TENM3: variants seen among roughly 807,000 people sequenced by gnomAD.
TENM3 encodes the protein teneurin-3.
In TENM3, 63 loss-of-function variants were observed where a neutral mutation model predicts 255.1. That is an observed-to-expected ratio of 0.25 (90% confidence interval 0.20 to 0.30). TENM3 has a LOEUF of 0.30. Ranked by LOEUF, TENM3 falls within the 10% of genes least tolerant of loss-of-function variation. The pLI, the probability that TENM3 is intolerant of heterozygous loss-of-function variation, is 1.00. For synonymous variants in TENM3, 1,306 were observed against 1,322.3 expected (o/e 0.99, Z 0.27); for missense variants, 2,929 against 3,461.1 (o/e 0.85, Z 3.86).
chr4:182,706,173 G>A (rs1285077372), intron 12 of TENM3, among the ~76,000 whole-genome samples: 3 of 152,124 alleles, frequency 2.0e-5, no homozygotes, highest in African/African-American at 7.2e-5. Context: ...TGGTTCTTCT[G>A]AGTTGTAACT....
the TENM3 span, among the ~76,000 whole-genome samples, chr4:181,845,996 C>A: frequency 6.6e-6 from 1 of 152,128 alleles, no homozygotes; most frequent in African/African-American, 2.4e-5. Flanking sequence ...CGCTAAGGTT[C>A]TTTGTAATAT....
intron 3 of TENM3, among the ~76,000 whole-genome samples, chr4:182,451,691 C>T (rs1426216103): frequency 3.9e-5 from 6 of 152,108 alleles, no homozygotes; most frequent in Admixed American, 3.9e-4. Context: ...GAAAATGACC[C>T]AAATTAAAGA....
chr4:182,211,010 A>G (rs1305316580), intron 1 of TENM3, among the ~76,000 whole-genome samples: 2 of 152,174 alleles, frequency 1.3e-5, no homozygotes, highest in Non-Finnish European at 2.9e-5. Flanking sequence ...TGGACTGGAC[A>G]AACCGAGGCC....
chr4:181,593,233 A>AT, the TENM3 span, among the ~76,000 whole-genome samples: 1 of 152,182 alleles, frequency 6.6e-6, no homozygotes, highest in Non-Finnish European at 1.5e-5. Context: ...GTTTGGAGGC[A>AT]TTTCTATTTT....
intron 3 of TENM3, among the ~76,000 whole-genome samples, chr4:182,452,170 G>A (rs1773515546): frequency 6.6e-6 from 1 of 152,216 alleles, no homozygotes; most frequent in African/African-American, 2.4e-5. Context: ...AGATGTGAGT[G>A]CTTTAGCACC....
At chr4:181,486,146 A>G in the TENM3 span, among the ~76,000 whole-genome samples, 3 of 152,128 alleles carry the variant, frequency 2.0e-5, no homozygotes, top group Non-Finnish European at 2.9e-5. Flanking sequence ...CAATACACCA[A>G]ATTCAGACCT....
chr4:182,706,705 G>A (rs1271556370), intron 12 of TENM3, among the ~76,000 whole-genome samples: 5 of 152,240 alleles, frequency 3.3e-5, no homozygotes, highest in East Asian at 3.9e-4. Flanking sequence ...ACTCATGCCC[G>A]TAATCCTAGC....
chr4:181,913,479 G>T, the TENM3 span, among the ~76,000 whole-genome samples: 1 of 152,176 alleles, frequency 6.6e-6, no homozygotes, highest in Non-Finnish European at 1.5e-5. Context: ...TAACCCAGTA[G>T]TCCCTACTGC....
chr4:181,942,061 G>T, the TENM3 span, among the ~76,000 whole-genome samples: 3 of 152,080 alleles, frequency 2.0e-5, no homozygotes, highest in African/African-American at 7.2e-5. Flanking sequence ...GCTTTCGGCC[G>T]TGATCTTGGT....
the TENM3 span, among the ~76,000 whole-genome samples, chr4:181,937,129 G>A: frequency 5.9e-5 from 9 of 152,166 alleles, no homozygotes; most frequent in South Asian, 2.1e-4. Flanking sequence ...CATTCTAAGC[G>A]AAAGCACCAG....
At chr4:182,254,755 G>A (rs112205931) in intron 1 of TENM3, among the ~76,000 whole-genome samples, 1 of 152,078 alleles carries the variant, frequency 6.6e-6, no homozygotes, top group African/African-American at 2.4e-5. Context: ...CATATTGTGT[G>A]ATATGTCCTC....
At chr4:182,555,685 A>G (rs999095599) in intron 3 of TENM3, among the ~76,000 whole-genome samples, 1 of 152,232 alleles carries the variant, frequency 6.6e-6, no homozygotes, top group African/African-American at 2.4e-5. Context: ...ATATTAACTT[A>G]AATGCATTTA....
the TENM3 span, among the ~76,000 whole-genome samples, chr4:181,953,276 C>CCACCAT: frequency 3.7e-4 from 52 of 141,572 alleles, no homozygotes; most frequent in Admixed American, 3.1e-3. Context: ...ACCACCACCA[C>CCACCAT]CATCATCATC....
chr4:182,601,128 G>A lies in TENM3; in HGVS notation c.716G>A (p.Trp239Ter). The A allele has an allele frequency of 6.2e-7, 1 of 1,613,738 alleles. No homozygotes were observed. Among genetic ancestry groups the A allele is most frequent in the South Asian group, 1.1e-5 (1 of 91,064 alleles). ...TPESVQLQDS[W>*]VLGSNVPLES... ...GAGTCCGTCCAGCTGCAGGACAGCT[G>A]GGTCCTTGGCAGTAATGTACCACTG... The change falls in exon 4 of 28, where the codon TGG (tryptophan) becomes TAG (stop). Residue 239 changes from tryptophan to a stop codon, truncating the protein, a stop_gained. Coordinates refer to ENST00000511685, the MANE Select transcript of TENM3 (RefSeq NM_001080477.4). LOFTEE classifies it high-confidence loss of function.
chr4:182,688,377 G>C, intron 12 of TENM3, 26 bp downstream of exon 12: 1 of 1,511,260 alleles, frequency 6.6e-7, no homozygotes, highest in South Asian at 1.3e-5. Flanking sequence ...GTCTGTGTCT[G>C]TCCCCTTCCT....
the TENM3 span, among the ~76,000 whole-genome samples, chr4:181,602,034 C>T: frequency 2.0e-5 from 3 of 152,208 alleles, no homozygotes; most frequent in Middle Eastern, 3.4e-3. Context: ...CTGCAAAGGC[C>T]CTTTTTCCAA....
chr4:181,933,780 C>A, the TENM3 span, among the ~76,000 whole-genome samples: 2 of 152,040 alleles, frequency 1.3e-5, no homozygotes, highest in South Asian at 2.1e-4. Context: ...TAATTCTAGC[C>A]CAAACCAAGC....
At chr4:181,537,967 A>G in the TENM3 span, among the ~76,000 whole-genome samples, 2 of 152,180 alleles carry the variant, frequency 1.3e-5, no homozygotes, top group Admixed American at 1.3e-4. Context: ...TTCATACGTT[A>G]GGGGGAATGG....
At chr4:181,970,623 T>G in the TENM3 span, among the ~76,000 whole-genome samples, 1 of 152,168 alleles carries the variant, frequency 6.6e-6, no homozygotes, top group Non-Finnish European at 1.5e-5. Flanking sequence ...AAAGTCTACA[T>G]TTTAAAGTTA....
Sources: allele counts gnomAD v4.1 joint callset (sites outside exome capture counted in the v4.1 genomes callset), GRCh38; gene constraint gnomAD v4.1.1; transcripts MANE v1.5; gene names NCBI Gene and HGNC (gene_info 2026-07-23, HGNC 2026-07-21).